Variants in ADGRG7 observed in about 807,000 individuals in gnomAD.
The protein encoded by ADGRG7 is G-protein coupled receptor 128.
Under a neutral mutation model 88.6 loss-of-function variants are expected in ADGRG7, and 82 were observed. The ratio of observed to expected loss-of-function variants is 0.93; its 90% CI spans 0.77 to 1.11. The LOEUF is 1.11. ADGRG7 is among the 50% of genes most tolerant of loss of function. The pLI is 0.00. For missense variants in ADGRG7, 945 were observed against 953.4 expected (o/e 0.99, Z 0.12); for synonymous variants, 381 against 345.2 (o/e 1.10, Z -1.15).
intron 1 of ADGRG7, among the ~76,000 whole-genome samples, chr3:100,617,278 G>A (rs763957605): frequency 6.6e-6 from 1 of 151,864 alleles, no homozygotes; most frequent in African/African-American, 2.4e-5. Context: ...ATGCAGATTA[G>A]TTACATATGC....
At chr3:100,684,686 T>C (rs146181692) in intron 15 of ADGRG7, among the ~76,000 whole-genome samples, 122 of 152,292 alleles carry the variant, frequency 8.0e-4, no homozygotes, top group African/African-American at 2.9e-3. Context: ...CGTCTATCAC[T>C]GCCTCCTTAA....
intron 14 of ADGRG7, among the ~76,000 whole-genome samples, chr3:100,663,602 T>G (rs917497699): frequency 6.6e-6 from 1 of 152,004 alleles, no homozygotes; most frequent in African/African-American, 2.4e-5. Context: ...GATGTTCTAT[T>G]CAATATCATG....
At position 100,694,918 on chromosome 3, in the gene ADGRG7, GAACGCTTT is replaced by G; in HGVS notation, c.2313_2320del (p.Arg772AlafsTer9). 1.2e-6 allele frequency: 2 copies of G among 1,614,156 alleles called. No individual in the cohort carries two copies. Among genetic ancestry groups the G allele is most frequent in the Non-Finnish European group, 1.7e-6 (2 of 1,180,022 alleles). ...CCTCAGGTCATTGCCAACCTTACAT[GAACGCTTT>G]AGGCTACTGGAAACCTCTCCGAGTA... On this transcript the variant is annotated frameshift_variant, in exon 16 of 16. Coordinates refer to ENST00000273352, the MANE Select transcript of ADGRG7 (RefSeq NM_032787.3). LOFTEE classifies it high-confidence loss of function.
intron 15 of ADGRG7, among the ~76,000 whole-genome samples, chr3:100,687,958 G>A (rs1362363258): frequency 6.6e-6 from 1 of 152,096 alleles, no homozygotes. Context: ...AATGGTACCA[G>A]CTCCTCCTTG....
chr3:100,646,839 A>C, intron 10 of ADGRG7, 115 bp downstream of exon 10: 1 of 914,914 alleles, frequency 1.1e-6, no homozygotes, highest in Non-Finnish European at 1.6e-6. Context: ...CTCAACTCAG[A>C]TTAAATAGAA....
At position 100,694,837 on chromosome 3, in the gene ADGRG7, AGGAAGTCATTGCCTTCAG is replaced by A; in HGVS notation, c.2231_2248del (p.Arg744_Val750delinsMet). 1 of 1,614,196 alleles carries A rather than the reference AGGAAGTCATTGCCTTCAG, an allele frequency of 6.2e-7. No homozygotes were observed. The highest frequency in any genetic ancestry group is 1.1e-5 in the South Asian group (1 of 91,084). On this transcript the variant is annotated inframe_deletion, in exon 16 of 16. Transcript: ENST00000273352. ...GATGTTGCTATCGTCTATTGGGAGA[AGGAAGTCATTGCCTTCAG>A]TGACGCGGCCGAGGCTGCGTGTAAA...
intron 1 of ADGRG7, among the ~76,000 whole-genome samples, chr3:100,614,642 A>T (rs1025972445): frequency 6.6e-6 from 1 of 152,188 alleles, no homozygotes; most frequent in East Asian, 1.9e-4. Flanking sequence ...TTTAAACCCC[A>T]AAAGACTAAG....
Position 100,618,398 on chromosome 3 carries a change from G to T in ADGRG7, c.115+8427G>T, listed in dbSNP as rs187855386. ...CATCTTGAATTAATTTTTGTATAAG[G>T]TATAAGCAAGGGATCTAGTTTCAGC... is the stretch of plus-strand genomic sequence containing the variant. On this transcript the variant is annotated intron_variant, in intron 1 of 15. Coordinates refer to ENST00000273352, the MANE Select transcript of ADGRG7 (RefSeq NM_032787.3). 7.5e-4 allele frequency among the ~76,000 whole-genome samples: 114 copies of T among 152,282 alleles called. No homozygotes were observed. The East Asian group carries it at 0.021, about 29-fold the overall frequency.
intron 1 of ADGRG7, among the ~76,000 whole-genome samples, chr3:100,618,308 T>C (rs1443283828): frequency 6.6e-6 from 1 of 152,184 alleles, no homozygotes; most frequent in Non-Finnish European, 1.5e-5. Context: ...ATGTCCTGAA[T>C]GGTATTGCCT....
chr3:100,620,101 A>T (rs1440673590), intron 1 of ADGRG7, among the ~76,000 whole-genome samples: 1 of 152,186 alleles, frequency 6.6e-6, no homozygotes, highest in Non-Finnish European at 1.5e-5. Flanking sequence ...CAGAGACACA[A>T]CAAAAAAAGA....
At chr3:100,684,465 A>C (rs1182352883) in intron 15 of ADGRG7, among the ~76,000 whole-genome samples, 1 of 151,882 alleles carries the variant, frequency 6.6e-6, no homozygotes, top group Non-Finnish European at 1.5e-5. Flanking sequence ...ATAGGGTCAC[A>C]CTATGTTGTC....
At chr3:100,675,423 C>T (rs1476977239) in intron 15 of ADGRG7, among the ~76,000 whole-genome samples, 1 of 152,130 alleles carries the variant, frequency 6.6e-6, no homozygotes, top group Non-Finnish European at 1.5e-5. Flanking sequence ...TAGGACCATC[C>T]TTGCATTTCT....
rs1166682683 is a variant in ADGRG7, at chr3:100,614,790, G to T, written c.115+4819G>T. ...AGAAGAAATTAATATTTTTTATTTG[G>T]AATCTTTAATATTATTTTATGCTAC... On this transcript the variant is annotated intron_variant, in intron 1 of 15. Coordinates refer to ENST00000273352, the MANE Select transcript of ADGRG7 (RefSeq NM_032787.3). 3.3e-5 allele frequency among the ~76,000 whole-genome samples: 5 copies of T among 151,964 alleles called. No homozygotes were observed. In the East Asian group the frequency reaches 7.7e-4, roughly 23 times the overall value.
intron 1 of ADGRG7, among the ~76,000 whole-genome samples, chr3:100,624,690 T>C (rs760279170): frequency 1.3e-5 from 2 of 152,196 alleles, no homozygotes; most frequent in Non-Finnish European, 2.9e-5. Flanking sequence ...AAGTCTTTAA[T>C]CCATCTTGAG....
intron 15 of ADGRG7, among the ~76,000 whole-genome samples, chr3:100,670,965 G>T (rs1054836171): frequency 1.3e-5 from 2 of 152,146 alleles, no homozygotes; most frequent in African/African-American, 2.4e-5. Context: ...TGGGCATTTG[G>T]GTTGGTTCCA....
At chr3:100,641,539 A>G (rs896853970) in intron 6 of ADGRG7, among the ~76,000 whole-genome samples, 2 of 152,262 alleles carry the variant, frequency 1.3e-5, no homozygotes, top group African/African-American at 4.8e-5. Flanking sequence ...TCTCCTAGTC[A>G]TTTACAGAAC....
chr3:100,663,253 A>G (rs896077109), intron 14 of ADGRG7, among the ~76,000 whole-genome samples: 1 of 152,176 alleles, frequency 6.6e-6, no homozygotes, highest in Non-Finnish European at 1.5e-5. Flanking sequence ...TTAAAAATAC[A>G]TTATTGCAGC....
At chr3:100,662,477 A>G (rs573923075) in intron 14 of ADGRG7, among the ~76,000 whole-genome samples, 2 of 152,302 alleles carry the variant, frequency 1.3e-5, no homozygotes, top group South Asian at 4.1e-4. Flanking sequence ...TTTTGCTAAT[A>G]TAATAGCATC....
chr3:100,623,860 T>A (rs961273899), intron 1 of ADGRG7, among the ~76,000 whole-genome samples: 1 of 152,184 alleles, frequency 6.6e-6, no homozygotes, highest in Non-Finnish European at 1.5e-5. Context: ...TTCATCCATG[T>A]CCCTGCAATG....
Sources: gnomAD v4.1 joint callset for allele counts (sites outside exome capture counted in the v4.1 genomes callset) on GRCh38, gnomAD v4.1.1 for gene constraint, MANE v1.5 for transcripts, NCBI Gene and HGNC (gene_info 2026-07-23, HGNC 2026-07-21) for gene names.